ZNF418: variants seen among roughly 807,000 people sequenced by gnomAD.
ZNF418 encodes zinc finger protein 418.
In ZNF418, 32 loss-of-function variants were observed where a neutral mutation model predicts 32.0. The observed-to-expected ratio is 1.00, with a 90% CI of 0.75 to 1.34. The LOEUF (loss-of-function observed/expected upper bound fraction) is 1.34. Among genes scored for constraint, ZNF418 ranks in the 40% most tolerant of loss-of-function variants. The pLI is 0.00. For missense variants in ZNF418, 804 were observed against 812.5 expected, an observed-to-expected ratio of 0.99 and a Z score of 0.13; for synonymous variants, 276 against 270.7, an observed-to-expected ratio of 1.02 and a Z score of -0.19.
intron 3 of ZNF418, among the ~76,000 whole-genome samples, chr19:57,929,253 G>T (rs2072381926): frequency 6.6e-6 from 1 of 152,184 alleles, no homozygotes; most frequent in South Asian, 2.1e-4. Context: ...AAAAATACTA[G>T]TCAAATAGAA....
Position 57,927,947 on chromosome 19 carries a change from G to A in ZNF418, c.234C>T (p.Pro78=). 1 of 1,613,360 alleles carries A rather than the reference G, an allele frequency of 6.2e-7. No homozygotes were observed. The highest frequency in any genetic ancestry group is 8.5e-7 in the Non-Finnish European group (1 of 1,179,604). Residue 78 remains proline (P), a synonymous_variant, in exon 4 of 6, where the codon CCC becomes CCT. Coordinates refer to ENST00000396147, the MANE Select transcript of ZNF418 (RefSeq NM_133460.3). ...ACATTTCACAAGAGTGGGCCTTCTT[G>A]GGAGACACACCTGCCCCAGGAGTGC... ...QVSTPGAGVS[P]KKAHSCEMCG...
intron 3 of ZNF418, 81 bp from the exon 4 acceptor site, chr19:57,928,128 C>T: frequency 8.5e-7 from 1 of 1,173,664 alleles, no homozygotes; most frequent in Non-Finnish European, 1.2e-6. Flanking sequence ...TCTGACAAAC[C>T]AAGGAATTAC....
rs1343196554 is a variant in ZNF418, at chr19:57,926,246, C to A, written c.1935G>T (p.Arg645Ser). The change falls in exon 4 of 6, where the codon AGG becomes AGT. Residue 645 changes from arginine to serine, a missense_variant. Coordinates refer to ENST00000396147, the MANE Select transcript of ZNF418 (RefSeq NM_133460.3). ...TTCCACATTCACTGCACTCATAAGG[C>A]CTTTCTCCAGTGTGTACTCTCCTGT... is the stretch of plus-strand genomic sequence containing the variant. ...TEHRRVHTGE[R>S]PYECSECGKS... is the part of the protein sequence containing the mutation. The A allele has an allele frequency of 2.5e-6, 4 of 1,613,848 alleles. No individual in the cohort carries two copies. The highest frequency in any genetic ancestry group is 3.3e-5 in the Admixed American group (2 of 59,986).
chr19:57,931,076 T>C (rs2072466461), intron 2 of ZNF418, among the ~76,000 whole-genome samples: 1 of 152,040 alleles, frequency 6.6e-6, no homozygotes, highest in Admixed American at 6.6e-5. Context: ...TGCCCGGCTA[T>C]GCTGTACTCT....
chr19:57,926,655 G>A lies in ZNF418; in HGVS notation c.1526C>T (p.Pro509Leu), dbSNP rs146628723. 184 of 1,614,074 alleles carry A rather than the reference G, an allele frequency of 1.1e-4. 1 individual carries two copies. In the African/African-American group the frequency reaches 2.2e-3, roughly 19 times the overall value. ...VHQRVHTGEK[P>L]FECSECGKSF... is the part of the protein sequence containing the mutation. ...CTTCCCACATTCACTACACTCAAAC[G>A]GTTTTTCTCCAGTGTGAACTCTCTG... The change falls in exon 4 of 6, where the codon CCG (proline) becomes CTG (leucine). Residue 509 changes from proline (P) to leucine (L), a missense_variant. By Grantham distance (98) the Pro-to-Leu change is moderately conservative. Coordinates refer to ENST00000396147, the MANE Select transcript of ZNF418 (RefSeq NM_133460.3).
intron 3 of ZNF418, among the ~76,000 whole-genome samples, chr19:57,929,164 A>G (rs1222875952): frequency 1.3e-5 from 2 of 152,224 alleles, no homozygotes; most frequent in Non-Finnish European, 2.9e-5. Context: ...TCAGAGTACA[A>G]GTGACAAGGT....
rs376873884 is a variant in ZNF418, at chr19:57,926,688, C to T, written c.1493G>A (p.Arg498His). ...GKSFQDSSGFRVHQRVHTGEK... is the reference protein window; with the variant it reads ...GKSFQDSSGFHVHQRVHTGEK... Reference sequence around the variant, plus strand: ...TCCAGTGTGAACTCTCTGATGAACACGAAACCCAGAGCTGTCTTGAAATGA... The same window carrying T: ...TCCAGTGTGAACTCTCTGATGAACATGAAACCCAGAGCTGTCTTGAAATGA... Residue 498 changes from arginine to histidine, a missense_variant, in exon 4 of 6, where the codon CGT becomes CAT. By Grantham distance (29) the Arg-to-His change is conservative. Transcript: ENST00000396147. 24 of 1,613,482 alleles carry T rather than the reference C, an allele frequency of 1.5e-5. No individual in the cohort carries two copies. The highest frequency in any genetic ancestry group is 2.7e-5 in the African/African-American group (2 of 74,684).
rs1018128895 is a variant in ZNF418 at position 57,934,907 on chromosome 19, C to T, written c.-81+254G>A. 8.0e-6 allele frequency: 6 copies of T among 752,094 alleles called. No individual in the cohort carries two copies. The African/African-American group carries it at 9.2e-5, about 12-fold the overall frequency. The allele number at this position is 752,094 out of a possible 1,614,324, so 46.6% of individuals were successfully genotyped here. ...GAGAAGCTTCGCCTCACACGTTGTT[C>T]CCTACAGGCGCCTGTGGACCCCAGG... On this transcript the variant is annotated intron_variant, in intron 1 of 5. Coordinates refer to ENST00000396147, the MANE Select transcript of ZNF418 (RefSeq NM_133460.3).
intron 1 of ZNF418, 25 bp downstream of exon 1, chr19:57,935,126 ATGAGGTGACC>A (rs1438952864): frequency 1.5e-6 from 2 of 1,305,056 alleles, no homozygotes; most frequent in Admixed American, 5.6e-5. Flanking sequence ...TCGGGTTAGG[ATGAGGTGACC>A]TGAGGGCAGG....
Position 57,927,809 on chromosome 19 carries a change from G to A in ZNF418, c.372C>T (p.Asn124=). 6.2e-7 allele frequency: 1 copy of A among 1,614,150 alleles called. No individual in the cohort carries two copies. Among genetic ancestry groups the A allele is most frequent in the African/African-American group, 1.3e-5 (1 of 75,028 alleles). ...CAAGGTACTGATTCTGGTGCGGACG[G>A]TTTGAACTATCATACAATTTATTCC... ...AWGNKLYDSS[N]RPHQNQYLGE... Residue 124 remains asparagine (N), a synonymous_variant, in exon 4 of 6, where the codon AAC becomes AAT. Coordinates refer to ENST00000396147, the MANE Select transcript of ZNF418 (RefSeq NM_133460.3).
Position 57,927,839 on chromosome 19 carries a change from T to C in ZNF418, c.342A>G (p.Ala114=), listed in dbSNP as rs150200636. The change falls in exon 4 of 6, where the codon GCA becomes GCG. Residue 114 remains alanine, a synonymous_variant. Transcript: ENST00000396147. ...HHKQKLHRCE[A]WGNKLYDSSN... is the part of the protein sequence containing the mutation. ...AACTATCATACAATTTATTCCCCCATGCCTCACACCTGTGCAGTTTCTGCT... is the reference window on the plus strand; with the variant it reads ...AACTATCATACAATTTATTCCCCCACGCCTCACACCTGTGCAGTTTCTGCT... 3,257 of 1,614,050 alleles carry C rather than the reference T, an allele frequency of 2.0e-3. 6 individuals carry two copies. The highest frequency in any genetic ancestry group is 2.5e-3 in the Non-Finnish European group (2,982 of 1,179,958).
chr19:57,926,139 CA>C lies in ZNF418; in HGVS notation c.*10del. On this transcript the variant is annotated 3_prime_UTR_variant, in exon 4 of 6. Coordinates refer to ENST00000396147, the MANE Select transcript of ZNF418 (RefSeq NM_133460.3). The stretch of plus-strand genomic sequence containing the variant: ...ACAGAGGTTTAGCTAAAGAATTTCC[CA>C]AATTTCTTTTCACTTGTAAGGACTT... The C allele has an allele frequency of 6.3e-7, 1 of 1,597,616 alleles. No homozygotes were observed.
At chr19:57,924,162 C>T (rs962239255) in intron 4 of ZNF418, among the ~76,000 whole-genome samples, 2 of 151,240 alleles carry the variant, frequency 1.3e-5, no homozygotes, top group Non-Finnish European at 3.0e-5. Flanking sequence ...AAAAGAAAAA[C>T]ATGGATTTTC....
chr19:57,926,095 C>A lies in ZNF418; in HGVS notation c.*55G>T. The A allele has an allele frequency of 6.9e-7, 1 of 1,450,174 alleles. No homozygotes were observed. The highest frequency in any genetic ancestry group is 9.5e-7 in the Non-Finnish European group (1 of 1,057,968). The allele number at this position is 1,450,174 out of a possible 1,614,324, so 89.8% of individuals were successfully genotyped here. On this transcript the variant is annotated 3_prime_UTR_variant, in exon 4 of 6. Transcript: ENST00000396147. ...CATAAGGTCCTGATCCAGTAAGAAC[C>A]CTCTGATCAAGAAGATGCACAGAGG...
chr19:57,922,843 A>C (rs1354286565), intron 5 of ZNF418, among the ~76,000 whole-genome samples: 1 of 151,954 alleles, frequency 6.6e-6, no homozygotes, highest in African/African-American at 2.4e-5. Context: ...CTACAGAAAA[A>C]TTTTAAAAAT....
chr19:57,929,974 G>A (rs1007541527), intron 3 of ZNF418, among the ~76,000 whole-genome samples: 7 of 152,124 alleles, frequency 4.6e-5, no homozygotes, highest in South Asian at 2.1e-4. Context: ...GTGAGCCACC[G>A]CACCCGGCCT....
chr19:57,926,799 T>TTCCTACAC lies in ZNF418; in HGVS notation c.1374_1381dup (p.Lys461SerfsTer229). On this transcript the variant is annotated frameshift_variant, in exon 4 of 6. Coordinates refer to ENST00000396147, the MANE Select transcript of ZNF418 (RefSeq NM_133460.3). LOFTEE classifies it low-confidence loss of function (END_TRUNC). ...GAGGTGGGACTTGCCCCTAAATAAT[T>TTCCTACAC]TCCTACACTCTCTACACTCATAAGG... 1 of 1,614,094 alleles carries TTCCTACAC rather than the reference T, an allele frequency of 6.2e-7. No individual in the cohort carries two copies. Among genetic ancestry groups the TTCCTACAC allele is most frequent in the Middle Eastern group, 1.7e-4 (1 of 6,060 alleles).
intron 2 of ZNF418, among the ~76,000 whole-genome samples, chr19:57,931,906 C>T (rs2072502468): frequency 6.6e-6 from 1 of 152,240 alleles, no homozygotes; most frequent in Non-Finnish European, 1.5e-5. Flanking sequence ...TCTTTTCCTT[C>T]TACTGCTCTG....
At chr19:57,933,359 C>A (rs1230182318) in intron 2 of ZNF418, among the ~76,000 whole-genome samples, 1 of 152,134 alleles carries the variant, frequency 6.6e-6, no homozygotes, top group Non-Finnish European at 1.5e-5. Context: ...ACGGGTAGAT[C>A]ACGAGGTCAG....
Sources: gnomAD v4.1 joint callset for allele counts (sites outside exome capture counted in the v4.1 genomes callset) on GRCh38, gnomAD v4.1.1 for gene constraint, MANE v1.5 for transcripts, NCBI Gene and HGNC (gene_info 2026-07-23, HGNC 2026-07-21) for gene names.